KIAA1549: variants seen among roughly 807,000 people sequenced by gnomAD.
KIAA1549 encodes the protein UPF0606 protein KIAA1549.
KIAA1549 carries 70 observed loss-of-function variants against 156.4 expected under a neutral mutation model. The observed-to-expected ratio is 0.45, with a 90% CI of 0.37 to 0.55. KIAA1549 has a LOEUF of 0.55. Ranked by LOEUF, KIAA1549 falls within the 20% of genes least tolerant of loss-of-function variation. The pLI, the probability that KIAA1549 is intolerant of heterozygous loss-of-function variation, is 0.00. For synonymous variants in KIAA1549, 1,103 were observed against 1,066.4 expected (o/e 1.03, Z -0.67); for missense variants, 2,428 against 2,540.9 (o/e 0.96, Z 0.96).
At chr7:138,932,677 G>C (rs538031011) in intron 1 of KIAA1549, among the ~76,000 whole-genome samples, 36 of 152,210 alleles carry the variant, frequency 2.4e-4, no homozygotes, top group Non-Finnish European at 4.7e-4. Flanking sequence ...CAGCGGCTTA[G>C]AGTGGTGTAT....
intron 1 of KIAA1549, among the ~76,000 whole-genome samples, chr7:138,933,556 A>C (rs142735348): frequency 1.3e-5 from 2 of 152,236 alleles, no homozygotes; most frequent in African/African-American, 4.8e-5. Context: ...AACAAATGCA[A>C]ACTTCATAAT....
intron 7 of KIAA1549, 125 bp from the exon 8 acceptor site, chr7:138,903,861 GCGCGCGCGCA>G (rs1172012930): frequency 4.7e-5 from 29 of 623,612 alleles, no homozygotes; most frequent in African/African-American, 6.5e-5. Flanking sequence ...GTGCGCGCGC[GCGCGCGCGCA>G]CATATGTATT....
At chr7:138,860,933 C>G (rs1810552813) in intron 16 of KIAA1549, among the ~76,000 whole-genome samples, 1 of 152,236 alleles carries the variant, frequency 6.6e-6, no homozygotes, top group South Asian at 2.1e-4. Flanking sequence ...GCGGGGATTA[C>G]AGGCATGAGC....
chr7:138,873,074 A>AGAG (rs535938534), intron 12 of KIAA1549, among the ~76,000 whole-genome samples: 100 of 152,380 alleles, frequency 6.6e-4, no homozygotes, highest in Non-Finnish European at 1.1e-3. Flanking sequence ...TAAGTGAAAA[A>AGAG]CACAAAGGTC....
intron 1 of KIAA1549, among the ~76,000 whole-genome samples, chr7:138,922,387 A>G (rs1812589785): frequency 6.6e-6 from 1 of 152,216 alleles, no homozygotes; most frequent in South Asian, 2.1e-4. Context: ...TACATAGGAA[A>G]GCAAAGTACC....
At chr7:138,964,309 C>A (rs1010266105) in intron 1 of KIAA1549, among the ~76,000 whole-genome samples, 22 of 152,192 alleles carry the variant, frequency 1.4e-4, no homozygotes, top group African/African-American at 5.3e-4. Context: ...ATTCTCTAAC[C>A]CAGACCCAGA....
At chr7:138,979,388 G>T (rs1814475873) in intron 1 of KIAA1549, among the ~76,000 whole-genome samples, 1 of 152,162 alleles carries the variant, frequency 6.6e-6, no homozygotes, top group South Asian at 2.1e-4. Context: ...TTCATATGGG[G>T]AAGCCATCAG....
chr7:138,905,940 C>T (rs1294180040), intron 6 of KIAA1549, among the ~76,000 whole-genome samples: 1 of 152,160 alleles, frequency 6.6e-6, no homozygotes, highest in African/African-American at 2.4e-5. Context: ...TTCACAACCC[C>T]CAAAACACTG....
chr7:138,899,444 CTGA>C (rs1400589160), intron 8 of KIAA1549, among the ~76,000 whole-genome samples: 3 of 152,214 alleles, frequency 2.0e-5, no homozygotes, highest in Non-Finnish European at 4.4e-5. Flanking sequence ...CCCACAATCT[CTGA>C]TGTGCTGACC....
In KIAA1549 at chr7:138,833,461, T is replaced by G. The variant is rs544754877; in HGVS notation, c.*4445A>C. The G allele has an allele frequency of 2.9e-4, 68 of 232,650 alleles. No homozygotes were observed. The highest frequency in any genetic ancestry group is 5.1e-4 in the Non-Finnish European group (60 of 117,752). 14.4% of individuals were successfully genotyped at this position (232,650 alleles called of 1,614,324 possible). ...GAGACTCCTATAGCACAGAACCGCG[T>G]GCTGGCTTTAGCCCAAAGCCTTTAG... On this transcript the variant is annotated 3_prime_UTR_variant, in exon 20 of 20. Transcript: ENST00000422774.
intron 17 of KIAA1549, among the ~76,000 whole-genome samples, chr7:138,847,752 C>A (rs948900008): frequency 3.3e-5 from 5 of 152,196 alleles, no homozygotes; most frequent in African/African-American, 7.2e-5. Context: ...ATTTTAGAAT[C>A]CATCTGTCGG....
intron 1 of KIAA1549, among the ~76,000 whole-genome samples, chr7:138,958,716 T>C (rs1423661622): frequency 6.6e-6 from 1 of 152,058 alleles, no homozygotes; most frequent in Admixed American, 6.6e-5. Context: ...ACTGGTTTCT[T>C]CCTAGCAACC....
At chr7:138,866,560 G>A (rs1375428495) in intron 15 of KIAA1549, among the ~76,000 whole-genome samples, 2 of 152,172 alleles carry the variant, frequency 1.3e-5, no homozygotes, top group Non-Finnish European at 2.9e-5. Context: ...AGCAAGGCAG[G>A]GCTCTCCTGG....
At chr7:138,969,120 CTT>C (rs1344916059) in intron 1 of KIAA1549, among the ~76,000 whole-genome samples, 1 of 152,110 alleles carries the variant, frequency 6.6e-6, no homozygotes, top group Admixed American at 6.6e-5. Context: ...TCTGTTGACT[CTT>C]TGTGTTCATA....
Position 138,844,405 on chromosome 7 carries a change from G to A in KIAA1549, c.5364C>T (p.Ala1788=). ...LVPPDPQQPQ[A]SAEAPFAARG... ...TGGCAGCAAATGGGGCTTCGGCGGA[G>A]GCCTGTGGCTGCTGAGGGTCAGGGG... The change falls in exon 18 of 20, where the codon GCC becomes GCT. Residue 1788 remains alanine, a synonymous_variant. Transcript: ENST00000422774. 6.2e-7 allele frequency: 1 copy of A among 1,604,438 alleles called. No homozygotes were observed. Among genetic ancestry groups the A allele is most frequent in the Non-Finnish European group, 8.5e-7 (1 of 1,175,096 alleles).
chr7:138,944,715 A>G (rs1318180089), intron 1 of KIAA1549, among the ~76,000 whole-genome samples: 1 of 152,240 alleles, frequency 6.6e-6, no homozygotes, highest in African/African-American at 2.4e-5. Context: ...TCAACCACAG[A>G]AAGGAATGGA....
intron 1 of KIAA1549, among the ~76,000 whole-genome samples, chr7:138,931,371 TG>T (rs1812864503): frequency 6.6e-6 from 1 of 152,248 alleles, no homozygotes; most frequent in African/African-American, 2.4e-5. Context: ...ACCTGTGTTT[TG>T]GATCCTCATA....
chr7:138,974,749 C>A (rs1814322533), intron 1 of KIAA1549, among the ~76,000 whole-genome samples: 1 of 151,000 alleles, frequency 6.6e-6, no homozygotes, highest in Admixed American at 6.6e-5. Flanking sequence ...TACAACCAGT[C>A]AAATGCTCGC....
chr7:138,896,998 G>A (rs1310662401), intron 9 of KIAA1549, among the ~76,000 whole-genome samples: 1 of 152,130 alleles, frequency 6.6e-6, no homozygotes, highest in African/African-American at 2.4e-5. Flanking sequence ...GCTATCCCTG[G>A]TGTTGGCTGA....
Sources: gnomAD v4.1 joint callset for allele counts (sites outside exome capture counted in the v4.1 genomes callset) on GRCh38, gnomAD v4.1.1 for gene constraint, MANE v1.5 for transcripts, NCBI Gene and HGNC (gene_info 2026-07-23, HGNC 2026-07-21) for gene names.